Variants in JAK2 observed in about 807,000 individuals in gnomAD.
JAK2 encodes the protein tyrosine-protein kinase JAK2.
In JAK2, 86 loss-of-function variants were observed where a neutral mutation model predicts 139.3. The ratio of observed to expected loss-of-function variants is 0.62; its 90% CI spans 0.52 to 0.74. The LOEUF (loss-of-function observed/expected upper bound fraction) is 0.74, where lower values mean the gene tolerates loss of function less well. Among genes scored for constraint, JAK2 ranks in the 30% least tolerant of loss-of-function variants. The pLI is 0.00. For missense variants in JAK2, 1,421 were observed against 1,360.3 expected, an observed-to-expected ratio of 1.04 and a Z score of -0.70; for synonymous variants, 490 against 437.7, an observed-to-expected ratio of 1.12 and a Z score of -1.49.
In JAK2 at chr9:5,029,924, G is replaced by T; in HGVS notation, c.350+18G>T. On this transcript the variant is annotated intron_variant, in intron 4 of 24. Transcript: ENST00000381652. Reference sequence around the variant, plus strand: ...AGAATAAGGTACTTTCTTCAGTAAAGTAACTCACTTAATGCTAAAAGGCAA... The same window carrying T: ...AGAATAAGGTACTTTCTTCAGTAAATTAACTCACTTAATGCTAAAAGGCAA... 6.4e-7 allele frequency: 1 copy of T among 1,568,764 alleles called. No homozygotes were observed. The highest frequency in any genetic ancestry group is 8.6e-7 in the Non-Finnish European group (1 of 1,162,958).
At chr9:5,118,031 A>G (rs1034618254) in intron 22 of JAK2, among the ~76,000 whole-genome samples, 3 of 152,222 alleles carry the variant, frequency 2.0e-5, no homozygotes, top group Non-Finnish European at 1.5e-5. Flanking sequence ...AAAGTACTGT[A>G]AATATTGACA....
intron 3 of JAK2, among the ~76,000 whole-genome samples, chr9:5,024,285 T>C (rs926104078): frequency 5.3e-5 from 8 of 152,194 alleles, no homozygotes; most frequent in Non-Finnish European, 1.0e-4. Flanking sequence ...GCTTGTAAGA[T>C]TCATTTTTAG....
chr9:5,089,673 G>C lies in JAK2; in HGVS notation c.2572-1G>C. 2 of 1,353,696 alleles carry C rather than the reference G, an allele frequency of 1.5e-6. No homozygotes were observed. The highest frequency in any genetic ancestry group is 1.9e-6 in the Non-Finnish European group (2 of 1,042,352). The allele number at this position is 1,353,696 out of a possible 1,614,324, so 83.9% of individuals were successfully genotyped here. Reference sequence around the variant, plus strand: ...CCATCCTAATGTGATGTGTCATTTAGGGTAATTTTGGGAGTGTGGAGATGT... The same window carrying C: ...CCATCCTAATGTGATGTGTCATTTACGGTAATTTTGGGAGTGTGGAGATGT... On this transcript the variant is annotated splice_acceptor_variant, in intron 19 of 24. Transcript: ENST00000381652. LOFTEE classifies it high-confidence loss of function.
intron 2 of JAK2, among the ~76,000 whole-genome samples, chr9:5,010,315 A>T (rs1821609761): frequency 1.3e-5 from 2 of 150,492 alleles, no homozygotes; most frequent in African/African-American, 4.9e-5. Flanking sequence ...CATGCTTTAA[A>T]CAATTGTCAG....
chr9:5,077,399 AT>A, intron 14 of JAK2, 53 bp from the exon 15 acceptor site: 1 of 605,624 alleles, frequency 1.7e-6, no homozygotes, highest in Non-Finnish European at 2.4e-6. Flanking sequence ...AATTACATAT[AT>A]TTAATTATAT....
intron 19 of JAK2, among the ~76,000 whole-genome samples, chr9:5,087,758 C>CAAGT (rs1204295402): frequency 6.6e-6 from 1 of 151,778 alleles, no homozygotes; most frequent in Non-Finnish European, 1.5e-5. Flanking sequence ...CAGTGTGTAT[C>CAAGT]AAGTCCCTTT....
At chr9:5,005,814 G>T (rs905144155) in intron 2 of JAK2, among the ~76,000 whole-genome samples, 3 of 152,086 alleles carry the variant, frequency 2.0e-5, no homozygotes, top group African/African-American at 7.2e-5. Flanking sequence ...AGTTTTAAAT[G>T]GTATATTCTG....
chr9:5,029,807 T>C lies in JAK2; in HGVS notation c.251T>C (p.Met84Thr), dbSNP rs773772702. 2 of 1,611,362 alleles carry C rather than the reference T, an allele frequency of 1.2e-6. No homozygotes were observed. The highest frequency in any genetic ancestry group is 8.5e-7 in the Non-Finnish European group (1 of 1,178,012). ...ACGITPVYHN[M>T]FALMSETERI... is the part of the protein sequence containing the mutation. ...GGTATCACACCTGTGTATCATAATATGTTTGCTTTAATGAGTGAAACAGAA... is the reference window on the plus strand; with the variant it reads ...GGTATCACACCTGTGTATCATAATACGTTTGCTTTAATGAGTGAAACAGAA... The change falls in exon 4 of 25, where the codon ATG becomes ACG. Residue 84 changes from methionine to threonine, a missense_variant. By Grantham distance (81) the Met-to-Thr change is moderately conservative. Transcript: ENST00000381652.
In JAK2 at chr9:5,080,403, A is replaced by G. The variant is rs753050893; in HGVS notation, c.2283+23A>G. 3.2e-6 allele frequency: 5 copies of G among 1,580,726 alleles called. No individual in the cohort carries two copies. In the South Asian group the frequency reaches 4.6e-5, roughly 15 times the overall value. ...AGAGTAAGTTTATATAGACTAAGTT[A>G]GAATTACTCTATCTCTGAACTTTCA... is the stretch of plus-strand genomic sequence containing the variant. On this transcript the variant is annotated intron_variant, in intron 17 of 24. Coordinates refer to ENST00000381652, the MANE Select transcript of JAK2 (RefSeq NM_004972.4).
intron 4 of JAK2, among the ~76,000 whole-genome samples, chr9:5,037,471 T>A (rs1228833439): frequency 1.3e-5 from 2 of 152,184 alleles, no homozygotes; most frequent in African/African-American, 4.8e-5. Flanking sequence ...TGTCCAACAA[T>A]GATAGACTGG....
intron 8 of JAK2, among the ~76,000 whole-genome samples, chr9:5,057,622 A>C (rs1817860658): frequency 7.7e-6 from 1 of 130,076 alleles, no homozygotes; most frequent in African/African-American, 3.0e-5. Flanking sequence ...TTGCCCTGTC[A>C]TCCAGGCTGG....
intron 6 of JAK2, among the ~76,000 whole-genome samples, chr9:5,051,390 C>T (rs1241243463): frequency 1.3e-5 from 2 of 152,062 alleles, no homozygotes; most frequent in Non-Finnish European, 2.9e-5. Flanking sequence ...ATAAGTATTT[C>T]CCAAATGGTG....
chr9:5,090,365 C>G (rs945174884), intron 20 of JAK2, 81 bp from the exon 21 acceptor site: 2 of 1,034,870 alleles, frequency 1.9e-6, no homozygotes, highest in Non-Finnish European at 2.6e-6. Context: ...ATGTTTAAGT[C>G]ATTTATGTAT....
intron 2 of JAK2, among the ~76,000 whole-genome samples, chr9:5,005,116 TTTTTTTTTTTTTTTTTA>T (rs2129888609): frequency 6.9e-5 from 5 of 72,732 alleles, no homozygotes; most frequent in South Asian, 5.3e-4. Flanking sequence ...TTTTTTTTTT[TTTTTTTTTTTTTTTTTA>T]GGTACAGGGT....
chr9:5,007,779 G>A (rs1821407091), intron 2 of JAK2, among the ~76,000 whole-genome samples: 1 of 151,668 alleles, frequency 6.6e-6, no homozygotes, highest in South Asian at 2.1e-4. Flanking sequence ...AACTGCAGTG[G>A]TGTGATATCT....
Position 5,126,896 on chromosome 9 carries a change from T to A in JAK2, c.*105T>A, listed in dbSNP as rs2130866820. The A allele has an allele frequency of 1.7e-6, 1 of 579,932 alleles. No individual in the cohort carries two copies. The highest frequency in any genetic ancestry group is 2.0e-5 in the African/African-American group (1 of 51,166). 35.9% of individuals were successfully genotyped at this position (579,932 alleles called of 1,614,324 possible). A position where few individuals can be genotyped will look rare whatever the true frequency, so the allele number is the denominator to read the frequency against. ...ACATATATCATTATTATATAAATCA[T>A]GATGCTAGCCAGCAAAGATGTGAAA... On this transcript the variant is annotated 3_prime_UTR_variant, in exon 25 of 25. Transcript: ENST00000381652.
At chr9:5,034,364 T>C (rs1424694739) in intron 4 of JAK2, among the ~76,000 whole-genome samples, 2 of 152,132 alleles carry the variant, frequency 1.3e-5, no homozygotes, top group East Asian at 1.9e-4. Context: ...TATCCAGGAA[T>C]TGAATTCAGC....
intron 14 of JAK2, among the ~76,000 whole-genome samples, chr9:5,075,764 A>G (rs952290594): frequency 6.6e-6 from 1 of 152,188 alleles, no homozygotes; most frequent in African/African-American, 2.4e-5. Flanking sequence ...AGTTATTTCA[A>G]CTTTCAAGTC....
intron 2 of JAK2, among the ~76,000 whole-genome samples, chr9:5,019,343 T>A (rs1822267820): frequency 6.6e-6 from 1 of 152,234 alleles, no homozygotes; most frequent in African/African-American, 2.4e-5. Context: ...ATTTTTTATT[T>A]CATTAAATGA....
Sources: allele counts gnomAD v4.1 joint callset (sites outside exome capture counted in the v4.1 genomes callset), GRCh38; gene constraint gnomAD v4.1.1; transcripts MANE v1.5; gene names NCBI Gene and HGNC (gene_info 2026-07-23, HGNC 2026-07-21).